Variants in FBXO36 observed in about 807,000 individuals in gnomAD.
FBXO36 encodes F-box only protein 36.
FBXO36 carries 18 observed loss-of-function variants against 17.0 expected under a neutral mutation model. The observed-to-expected ratio is 1.06, with a 90% CI of 0.73 to 1.57. FBXO36 has a LOEUF of 1.57. Among genes scored for constraint, FBXO36 ranks in the 40% most tolerant of loss-of-function variants. The probability of loss-of-function intolerance (pLI) is 0.00; values close to 1 mark genes in which losing one functional copy is unlikely to be tolerated. For synonymous variants in FBXO36, 83 were observed against 85.3 expected, an observed-to-expected ratio of 0.97 and a Z score of 0.15; for missense variants, 229 against 221.9, an observed-to-expected ratio of 1.03 and a Z score of -0.20.
At chr2:229,931,915 T>A (rs1051394035) in intron 1 of FBXO36, among the ~76,000 whole-genome samples, 5 of 113,680 alleles carry the variant, frequency 4.4e-5, no homozygotes, top group African/African-American at 1.7e-4. Context: ...TGTATATGTG[T>A]ATATATTTTT....
At chr2:229,946,558 A>G (rs370659822) in intron 1 of FBXO36, among the ~76,000 whole-genome samples, 1 of 152,366 alleles carries the variant, frequency 6.6e-6, no homozygotes, top group East Asian at 1.9e-4. Flanking sequence ...TCATAAAAGC[A>G]AAGGTAAAAA....
At chr2:229,997,608 G>T (rs942846214) in intron 3 of FBXO36, among the ~76,000 whole-genome samples, 1 of 151,710 alleles carries the variant, frequency 6.6e-6, no homozygotes, top group African/African-American at 2.4e-5. Context: ...GAGAGAATAG[G>T]GCAAGGAGGA....
At chr2:229,944,511 AGAC>A (rs2077015948) in intron 1 of FBXO36, among the ~76,000 whole-genome samples, 1 of 152,150 alleles carries the variant, frequency 6.6e-6, no homozygotes, top group Non-Finnish European at 1.5e-5. Flanking sequence ...CCAAAAGTGT[AGAC>A]TTTGTTATTA....
intron 3 of FBXO36, among the ~76,000 whole-genome samples, chr2:230,006,103 T>C (rs2077385742): frequency 6.8e-6 from 1 of 147,554 alleles, no homozygotes; most frequent in African/African-American, 2.5e-5. Flanking sequence ...TATTTTATTT[T>C]AGTTTTTTTT....
intron 1 of FBXO36, among the ~76,000 whole-genome samples, chr2:229,961,233 T>C (rs2077119168): frequency 6.6e-6 from 1 of 152,202 alleles, no homozygotes; most frequent in African/African-American, 2.4e-5. Context: ...CTGAAGATAC[T>C]GGTGAACTCT....
intron 1 of FBXO36, among the ~76,000 whole-genome samples, chr2:229,964,964 C>G (rs2077143507): frequency 6.6e-6 from 1 of 152,064 alleles, no homozygotes; most frequent in African/African-American, 2.4e-5. Flanking sequence ...CTATAAAGGT[C>G]TTTGGAGATT....
At chr2:229,977,443 T>C (rs2077215244) in intron 2 of FBXO36, among the ~76,000 whole-genome samples, 2 of 152,064 alleles carry the variant, frequency 1.3e-5, no homozygotes, top group South Asian at 2.1e-4. Context: ...AGAATGGTTT[T>C]GTTTTTTGTT....
chr2:229,988,844 G>GTT lies in FBXO36; in HGVS notation c.206-7895_206-7894dup, dbSNP rs1288831197. Among the ~76,000 whole-genome samples the GTT allele has an allele frequency of 1.3e-3, 147 of 114,688 alleles. 1 individual carries two copies. The highest frequency in any genetic ancestry group is 1.9e-3 in the Non-Finnish European group (106 of 56,342). The allele number at this position is 114,688 out of a possible 152,430, so 75.2% of individuals were successfully genotyped here. ...TGCTGGCCTGTTTTTTTTTTTTTTT[G>GTT]TTTTTTTTTTTTTACCGCATAGTAT... is the stretch of plus-strand genomic sequence containing the variant. On this transcript the variant is annotated intron_variant, in intron 2 of 3. Transcript: ENST00000283946.
At position 230,012,421 on chromosome 2, in the gene FBXO36, A is replaced by G. The variant is rs1434456255; in HGVS notation, c.*1537A>G. The G allele has an allele frequency of 6.8e-6, 1 of 146,946 alleles. No homozygotes were observed. Among genetic ancestry groups the G allele is most frequent in the African/African-American group, 2.4e-5 (1 of 41,074 alleles). The allele number at this position is 146,946 out of a possible 1,614,324, so 9.1% of individuals were successfully genotyped here. On this transcript the variant is annotated 3_prime_UTR_variant, in exon 4 of 4. Coordinates refer to ENST00000283946, the MANE Select transcript of FBXO36 (RefSeq NM_174899.5). The stretch of plus-strand genomic sequence containing the variant: ...TCATTGCTGGAGGTACACACAGTCA[A>G]AAGTTTTCCGTGACTGTGAAATCCA...
intron 1 of FBXO36, among the ~76,000 whole-genome samples, chr2:229,957,078 A>C (rs563919629): frequency 1.3e-4 from 20 of 152,342 alleles, no homozygotes; most frequent in African/African-American, 4.8e-4. Context: ...GATTTCAGAA[A>C]ACTATATCCA....
chr2:229,944,239 A>G (rs2077014667), intron 1 of FBXO36, among the ~76,000 whole-genome samples: 1 of 152,188 alleles, frequency 6.6e-6, no homozygotes, highest in South Asian at 2.1e-4. Context: ...TATATTCTGT[A>G]TTTTAGGAGT....
At chr2:229,961,599 C>T (rs111282788) in intron 1 of FBXO36, among the ~76,000 whole-genome samples, 2,911 of 152,228 alleles carry the variant, frequency 0.019, 65 homozygotes, top group African/African-American at 0.064. Flanking sequence ...TGGTCTCGAT[C>T]TCCTGACCTT....
chr2:229,931,124 T>A (rs374417053), intron 1 of FBXO36, among the ~76,000 whole-genome samples: 1 of 152,344 alleles, frequency 6.6e-6, no homozygotes, highest in East Asian at 1.9e-4. Context: ...ATGGCACTTT[T>A]CTGAGGAGAG....
chr2:229,994,667 A>G (rs185539789), intron 2 of FBXO36, among the ~76,000 whole-genome samples: 1 of 152,282 alleles, frequency 6.6e-6, no homozygotes, highest in Admixed American at 6.5e-5. Context: ...AAGAGAGTGC[A>G]CTTTTTCTCT....
At chr2:229,991,851 G>A (rs2077299543) in intron 2 of FBXO36, among the ~76,000 whole-genome samples, 1 of 152,170 alleles carries the variant, frequency 6.6e-6, no homozygotes, top group Non-Finnish European at 1.5e-5. Flanking sequence ...GTTTTTGACA[G>A]AGCATCTTGT....
chr2:229,944,827 T>A (rs2077018675), intron 1 of FBXO36, among the ~76,000 whole-genome samples: 1 of 152,044 alleles, frequency 6.6e-6, no homozygotes, highest in African/African-American at 2.4e-5. Flanking sequence ...TCTCCTGACC[T>A]CGTGATCCAC....
chr2:229,976,489 A>G (rs776080789), intron 2 of FBXO36, 140 bp downstream of exon 2: 46 of 618,946 alleles, frequency 7.4e-5, no homozygotes, highest in South Asian at 2.9e-4. Context: ...TTAGATTCTT[A>G]AAAACTAGAA....
Position 229,941,274 on chromosome 2 carries a change from T to C in FBXO36, c.96+18665T>C, listed in dbSNP as rs551900443. On this transcript the variant is annotated intron_variant, in intron 1 of 3. Transcript: ENST00000283946. ...ATCGAGACCATCCTGGCTAACACGG[T>C]GAAACCCCGTGTCTACTAAAAATAC... 6.6e-5 allele frequency among the ~76,000 whole-genome samples: 10 copies of C among 151,924 alleles called. No individual in the cohort carries two copies. The South Asian group carries it at 2.1e-3, about 32-fold the overall frequency.
chr2:229,948,093 T>G (rs1400306513), intron 1 of FBXO36, among the ~76,000 whole-genome samples: 1 of 151,376 alleles, frequency 6.6e-6, no homozygotes, highest in African/African-American at 2.4e-5. Flanking sequence ...AGACCAGGAG[T>G]TCAAGAGCCG....
Sources: gnomAD v4.1 joint callset for allele counts (sites outside exome capture counted in the v4.1 genomes callset) on GRCh38, gnomAD v4.1.1 for gene constraint, MANE v1.5 for transcripts, NCBI Gene and HGNC (gene_info 2026-07-23, HGNC 2026-07-21) for gene names.